The following ZNF586 variants were observed in gnomAD, a reference collection of about 807,000 sequenced individuals.
ZNF586 encodes zinc finger protein 586.
In ZNF586, 7 loss-of-function variants were observed where a neutral mutation model predicts 6.7. The ratio of observed to expected loss-of-function variants is 1.04; its 90% confidence interval spans 0.59 to 1.95. ZNF586 has a LOEUF of 1.95. ZNF586 is among the 30% of genes most tolerant of loss of function. The pLI, the probability that ZNF586 is intolerant of heterozygous loss-of-function variation, is 0.00. For synonymous variants in ZNF586, 166 were observed against 168.7 expected, an observed-to-expected ratio of 0.98 and a Z score of 0.12; for missense variants, 442 against 489.6, an observed-to-expected ratio of 0.90 and a Z score of 0.92.
rs185828226 is a variant in ZNF586 at position 57,771,729 on chromosome 19, G to A, written c.36+1851G>A. On this transcript the variant is annotated intron_variant, in intron 1 of 2. Coordinates refer to ENST00000396154, the MANE Select transcript of ZNF586 (RefSeq NM_017652.4). ...GTTGAGGGAGGAGGAAGATCAAACT[G>A]GAAGCTACTGCCCTAGTCGAGGTGA... Among the ~76,000 whole-genome samples the A allele has an allele frequency of 1.1e-4, 17 of 152,276 alleles. No individual in the cohort carries two copies. In the East Asian group the frequency reaches 2.9e-3, roughly 26 times the overall value.
rs939516305 is a variant in ZNF586 at position 57,779,415 on chromosome 19, A to G, written c.828A>G (p.Ser276=). 4.3e-6 allele frequency: 7 copies of G among 1,611,466 alleles called. No individual in the cohort carries two copies. Among genetic ancestry groups the G allele is most frequent in the Admixed American group, 3.3e-5 (2 of 59,712 alleles). Residue 276 remains serine (S), a synonymous_variant, in exon 3 of 3, where the codon TCA becomes TCG. Transcript: ENST00000396154. ...GAAAATCATTTCGCCGAAGCTCTTCACTCTTGCAGCATCAGAGAGTTCACA... is the reference window on the plus strand; with the variant it reads ...GAAAATCATTTCGCCGAAGCTCTTCGCTCTTGCAGCATCAGAGAGTTCACA... ...ECGKSFRRSS[S]LLQHQRVHTR...
chr19:57,778,158 G>A (rs1351748793), intron 2 of ZNF586, among the ~76,000 whole-genome samples: 2 of 148,128 alleles, frequency 1.4e-5, no homozygotes, highest in East Asian at 2.0e-4. Context: ...TGCAACCTCC[G>A]CCTCCCAGGT....
chr19:57,776,708 G>T (rs747583822), intron 2 of ZNF586, 39 bp downstream of exon 2: 2 of 1,556,406 alleles, frequency 1.3e-6, no homozygotes, highest in East Asian at 4.6e-5. Context: ...GAGTTAGTCT[G>T]TGCCCCTCAC....
In ZNF586 at chr19:57,777,862, T is replaced by G. The variant is rs1332810411; in HGVS notation, c.164-889T>G. 2.0e-5 allele frequency among the ~76,000 whole-genome samples: 3 copies of G among 149,186 alleles called. No individual in the cohort carries two copies. In the East Asian group the frequency reaches 6.0e-4, roughly 30 times the overall value. ...CCTCCGCCTCCCAGGTTCAAGTGATTCTCTGGCCTCAGCCTCCTGAGTAGC... is the reference window on the plus strand; with the variant it reads ...CCTCCGCCTCCCAGGTTCAAGTGATGCTCTGGCCTCAGCCTCCTGAGTAGC... On this transcript the variant is annotated intron_variant, in intron 2 of 2. Transcript: ENST00000396154.
chr19:57,776,670 G>C lies in ZNF586; in HGVS notation c.163+1G>C. 2.5e-6 allele frequency: 4 copies of C among 1,597,452 alleles called. No homozygotes were observed. In the East Asian group the frequency reaches 9.0e-5, roughly 36 times the overall value. On this transcript the variant is annotated splice_donor_variant, in intron 2 of 2. Coordinates refer to ENST00000396154, the MANE Select transcript of ZNF586 (RefSeq NM_017652.4). LOFTEE classifies it high-confidence loss of function. The stretch of plus-strand genomic sequence containing the variant: ...ACCTTGACACTTATATCCTCCCTGG[G>C]TAAGGTACTCATATTCACCTGTGAC...
intron 1 of ZNF586, among the ~76,000 whole-genome samples, chr19:57,773,949 C>T (rs1434934244): frequency 6.6e-6 from 1 of 152,174 alleles, no homozygotes; most frequent in Non-Finnish European, 1.5e-5. Flanking sequence ...GGCATAGTGG[C>T]TCACACCTGT....
At position 57,778,958 on chromosome 19, in the gene ZNF586, G is replaced by A; in HGVS notation, c.371G>A (p.Cys124Tyr). The A allele has an allele frequency of 6.2e-7, 1 of 1,614,094 alleles. No homozygotes were observed. The change falls in exon 3 of 3, where the codon TGC (cysteine) becomes TAC (tyrosine). Residue 124 changes from cysteine to tyrosine, a missense_variant. Transcript: ENST00000396154. ...NVRTGERPYE[C>Y]SKYGKLFHQK... ...CGCACTGGAGAAAGGCCTTATGAGT[G>A]CAGCAAATATGGGAAATTATTTCAC...
At chr19:57,774,437 C>G (rs1283591511) in intron 1 of ZNF586, among the ~76,000 whole-genome samples, 1 of 151,504 alleles carries the variant, frequency 6.6e-6, no homozygotes, top group Non-Finnish European at 1.5e-5. Flanking sequence ...GCAGGAGAAT[C>G]ACTTGAACCT....
chr19:57,770,289 T>G (rs1256315234), intron 1 of ZNF586, among the ~76,000 whole-genome samples: 2 of 151,428 alleles, frequency 1.3e-5, no homozygotes, highest in Non-Finnish European at 2.9e-5. Flanking sequence ...CCCGAGTAGC[T>G]GGGATTACAG....
intron 1 of ZNF586, 62 bp downstream of exon 1, chr19:57,769,940 C>A: frequency 1.7e-6 from 2 of 1,193,216 alleles, no homozygotes; most frequent in East Asian, 4.7e-5. Context: ...GGCCCCTGAT[C>A]GTGAGGGCCG....
chr19:57,772,877 G>T (rs1049446394), intron 1 of ZNF586, among the ~76,000 whole-genome samples: 1 of 152,024 alleles, frequency 6.6e-6, no homozygotes, highest in African/African-American at 2.4e-5. Flanking sequence ...TGGAGATTGG[G>T]GTATGGGGCT....
At chr19:57,774,816 G>A (rs566015080) in intron 1 of ZNF586, 1 of 944,806 alleles carries the variant, frequency 1.1e-6, no homozygotes, top group South Asian at 4.9e-5. Flanking sequence ...TAAAGTTAAG[G>A]TCAGTATCAT....
chr19:57,772,012 A>C (rs1987108665), intron 1 of ZNF586, among the ~76,000 whole-genome samples: 1 of 151,886 alleles, frequency 6.6e-6, no homozygotes, highest in Non-Finnish European at 1.5e-5. Context: ...TTTAGTAGAG[A>C]CTAGGTTTCG....
intron 2 of ZNF586, among the ~76,000 whole-genome samples, chr19:57,778,327 G>A (rs574655103): frequency 4.7e-4 from 71 of 151,862 alleles, no homozygotes; most frequent in African/African-American, 1.6e-3. Context: ...CACCCACCTC[G>A]GCCTCGCAAA....
rs1421113446 is a variant in ZNF586, at chr19:57,778,992, T to C, written c.405T>C (p.Pro135=). 5 of 1,613,844 alleles carry C rather than the reference T, an allele frequency of 3.1e-6. No homozygotes were observed. The African/African-American group carries it at 5.3e-5, about 17-fold the overall frequency. The change falls in exon 3 of 3, where the codon CCT becomes CCC. Residue 135 remains proline, a synonymous_variant. Transcript: ENST00000396154. ...SKYGKLFHQK[P]TLHIHERFHT... ...ATGGGAAATTATTTCACCAAAAGCCTACACTCCATATTCATGAGAGATTTC... is the reference window on the plus strand; with the variant it reads ...ATGGGAAATTATTTCACCAAAAGCCCACACTCCATATTCATGAGAGATTTC...
At position 57,779,845 on chromosome 19, in the gene ZNF586, C is replaced by T. The variant is rs765973782; in HGVS notation, c.*49C>T. The T allele has an allele frequency of 7.5e-6, 11 of 1,474,648 alleles. No homozygotes were observed. The South Asian group carries it at 1.4e-4, about 19-fold the overall frequency. 91.3% of individuals were successfully genotyped at this position (1,474,648 alleles called of 1,614,324 possible). ...CCCAGGCTTTTTGCTCCTTCAAGGC[C>T]AGAGAGTTCACACCAGATCAAGGTG... On this transcript the variant is annotated 3_prime_UTR_variant, in exon 3 of 3. Coordinates refer to ENST00000396154, the MANE Select transcript of ZNF586 (RefSeq NM_017652.4).
At chr19:57,771,068 G>A (rs1428892784) in intron 1 of ZNF586, among the ~76,000 whole-genome samples, 1 of 151,948 alleles carries the variant, frequency 6.6e-6, no homozygotes, top group Admixed American at 6.6e-5. Context: ...TTGGGAGGCC[G>A]AGGCGGGCGG....
intron 1 of ZNF586, 61 bp from the exon 2 acceptor site, chr19:57,776,482 G>A: frequency 1.9e-6 from 3 of 1,552,654 alleles, no homozygotes; most frequent in South Asian, 2.4e-5. Context: ...TGTTGGGGAA[G>A]TGGACTGTGG....
In ZNF586 at chr19:57,769,771, C is replaced by G. The variant is rs1345430798; in HGVS notation, c.-72C>G. ...AGGCGGATCTGAGGTTCGGCGACGCCGCTGGTCGCGACCCGGGACAGGACA... is the reference window on the plus strand; with the variant it reads ...AGGCGGATCTGAGGTTCGGCGACGCGGCTGGTCGCGACCCGGGACAGGACA... On this transcript the variant is annotated 5_prime_UTR_variant, in exon 1 of 3. Transcript: ENST00000396154. 6 of 1,496,150 alleles carry G rather than the reference C, an allele frequency of 4.0e-6. No individual in the cohort carries two copies. The highest frequency in any genetic ancestry group is 5.4e-6 in the Non-Finnish European group (6 of 1,103,832). 92.7% of individuals were successfully genotyped at this position (1,496,150 alleles called of 1,614,324 possible).
Sources: gnomAD v4.1 joint callset for allele counts (sites outside exome capture counted in the v4.1 genomes callset) on GRCh38, gnomAD v4.1.1 for gene constraint, MANE v1.5 for transcripts, NCBI Gene and HGNC (gene_info 2026-07-23, HGNC 2026-07-21) for gene names.